Variants in ZNF608 observed in about 807,000 individuals in gnomAD.
ZNF608 encodes zinc finger protein 608, also known as renal carcinoma antigen NY-REN-36.
In ZNF608, 12 loss-of-function variants were observed where a neutral mutation model predicts 109.0. The observed-to-expected ratio is 0.11, with a 90% CI of 0.07 to 0.18. The LOEUF is 0.18. Among genes scored for constraint, ZNF608 ranks in the 10% least tolerant of loss-of-function variants. The pLI, the probability that ZNF608 is intolerant of heterozygous loss-of-function variation, is 1.00. For synonymous variants in ZNF608, 732 were observed against 717.4 expected, an observed-to-expected ratio of 1.02 and a Z score of -0.33; for missense variants, 1,707 against 1,879.3, an observed-to-expected ratio of 0.91 and a Z score of 1.70.
intron 3 of ZNF608, among the ~76,000 whole-genome samples, chr5:124,663,994 A>G (rs1433039313): frequency 1.3e-5 from 2 of 152,200 alleles, no homozygotes; most frequent in Non-Finnish European, 2.9e-5. Context: ...TGTAGCTTAA[A>G]TTTTTAACAA....
intron 2 of ZNF608, among the ~76,000 whole-genome samples, chr5:124,715,001 G>A (rs374049631): frequency 7.9e-5 from 12 of 152,292 alleles, no homozygotes; most frequent in African/African-American, 2.9e-4. Flanking sequence ...GCCTAAGAAT[G>A]AGATCAGGAT....
upstream of ZNF608, among the ~76,000 whole-genome samples, chr5:124,748,075 T>C (rs947458442): frequency 3.3e-5 from 5 of 152,170 alleles, no homozygotes; most frequent in Non-Finnish European, 7.3e-5. Context: ...TTACATGTAA[T>C]GAGTGACTAT....
At chr5:124,658,942 T>A (rs1376740650) in intron 3 of ZNF608, among the ~76,000 whole-genome samples, 2 of 152,110 alleles carry the variant, frequency 1.3e-5, no homozygotes, top group African/African-American at 4.8e-5. Flanking sequence ...TAATGGTCAT[T>A]CCTTTCCTAA....
Position 124,701,248 on chromosome 5 carries a change from G to T in ZNF608, c.928C>A (p.Pro310Thr). 1 of 1,614,088 alleles carries T rather than the reference G, an allele frequency of 6.2e-7. No individual in the cohort carries two copies. The highest frequency in any genetic ancestry group is 8.5e-7 in the Non-Finnish European group (1 of 1,180,004). Residue 310 changes from proline to threonine, a missense_variant, in exon 3 of 10, where the codon CCA (proline) becomes ACA (threonine). Pro to Thr is a conservative substitution (Grantham distance 38, BLOSUM62 -1). Coordinates refer to ENST00000513986, the MANE Select transcript of ZNF608 (RefSeq NM_020747.3). ...CTGGAAATCGGCGGTGGTGGCGCTG[G>T]CACTGTAAACAGGGGGTCAACCTGA... ...TEKVDPLFTVPAPPPPISSSL... is the reference protein window; with the variant it reads ...TEKVDPLFTVTAPPPPISSSL...
At chr5:124,672,444 A>C (rs1418590018) in intron 3 of ZNF608, among the ~76,000 whole-genome samples, 2 of 152,260 alleles carry the variant, frequency 1.3e-5, no homozygotes, top group African/African-American at 4.8e-5. Flanking sequence ...TACCTCAGTA[A>C]GGCTAAGTTG....
At chr5:124,668,003 C>T (rs963916819) in intron 3 of ZNF608, among the ~76,000 whole-genome samples, 2 of 151,816 alleles carry the variant, frequency 1.3e-5, no homozygotes, top group African/African-American at 4.8e-5. Context: ...ACGTGAATCA[C>T]ACAATAAGCT....
In ZNF608 at chr5:124,712,197, G is replaced by A. The variant is rs1049760308; in HGVS notation, c.907-10928C>T. On this transcript the variant is annotated intron_variant, in intron 2 of 9. Transcript: ENST00000513986. ...AGTACTCCAAGAAGACCTGGCACCC[G>A]TGGTGGGGTGGGGGGATAGGGAGGA... is the stretch of plus-strand genomic sequence containing the variant. 1.1e-4 allele frequency among the ~76,000 whole-genome samples: 17 copies of A among 152,242 alleles called. No individual in the cohort carries two copies. In the South Asian group the frequency reaches 2.5e-3, roughly 22 times the overall value.
chr5:124,737,231 C>T (rs933496521), intron 2 of ZNF608, among the ~76,000 whole-genome samples: 1 of 152,140 alleles, frequency 6.6e-6, no homozygotes, highest in African/African-American at 2.4e-5. Context: ...GCTTTTTAAA[C>T]TGTAAAAGCT....
At chr5:124,713,859 G>T (rs1018888227) in intron 2 of ZNF608, among the ~76,000 whole-genome samples, 1 of 152,074 alleles carries the variant, frequency 6.6e-6, no homozygotes, top group African/African-American at 2.4e-5. Context: ...AAGTGTAGGA[G>T]ATTTTAAAAG....
intron 3 of ZNF608, among the ~76,000 whole-genome samples, chr5:124,658,835 TAA>T (rs1751122629): frequency 6.6e-6 from 1 of 152,198 alleles, no homozygotes. Context: ...TTCTTTTAAA[TAA>T]AAGTGTTAAA....
intron 3 of ZNF608, among the ~76,000 whole-genome samples, chr5:124,680,769 A>T (rs1752160300): frequency 6.6e-6 from 1 of 152,246 alleles, no homozygotes; most frequent in African/African-American, 2.4e-5. Context: ...AAAGCTAATT[A>T]AATATCTTCA....
At chr5:124,682,659 T>G (rs1752244201) in intron 3 of ZNF608, among the ~76,000 whole-genome samples, 1 of 152,254 alleles carries the variant, frequency 6.6e-6, no homozygotes, top group Non-Finnish European at 1.5e-5. Flanking sequence ...AATTTATAAT[T>G]CTGGCATGAC....
intron 2 of ZNF608, among the ~76,000 whole-genome samples, chr5:124,728,943 C>T (rs75980278): frequency 1.3e-5 from 2 of 152,240 alleles, no homozygotes; most frequent in East Asian, 3.9e-4. Context: ...ATAAAATTCA[C>T]TATAGAACCC....
At chr5:124,686,913 G>A (rs1047174163) in intron 3 of ZNF608, among the ~76,000 whole-genome samples, 1 of 152,122 alleles carries the variant, frequency 6.6e-6, no homozygotes, top group Non-Finnish European at 1.5e-5. Flanking sequence ...GGAAGTGGTG[G>A]GCAATTTTTT....
Position 124,711,423 on chromosome 5 carries a change from A to C in ZNF608, c.907-10154T>G, listed in dbSNP as rs1753484289. ...CTTTTTAATGAAAAGATGCTAAGGC[A>C]TTCCACTTTAGAGTAAAAGTAAAGC... On this transcript the variant is annotated intron_variant, in intron 2 of 9. Transcript: ENST00000513986. Among the ~76,000 whole-genome samples, 5 of 152,266 alleles carry C rather than the reference A, an allele frequency of 3.3e-5. No homozygotes were observed. The South Asian group carries it at 1.0e-3, about 31-fold the overall frequency.
intron 6 of ZNF608, among the ~76,000 whole-genome samples, chr5:124,643,902 T>C (rs1364176435): frequency 1.3e-5 from 2 of 152,220 alleles, no homozygotes; most frequent in East Asian, 3.8e-4. Flanking sequence ...GAATTGAGCT[T>C]ATAGCCATTT....
chr5:124,645,371 T>C (rs1409391596), intron 5 of ZNF608, among the ~76,000 whole-genome samples: 3 of 152,250 alleles, frequency 2.0e-5, no homozygotes, highest in African/African-American at 4.8e-5. Flanking sequence ...GCCTGATTTA[T>C]GCCTCTGTAA....
chr5:124,723,835 T>A (rs964088108), intron 2 of ZNF608, among the ~76,000 whole-genome samples: 3 of 151,878 alleles, frequency 2.0e-5, no homozygotes, highest in Non-Finnish European at 4.4e-5. Context: ...CATGAAAAAA[T>A]TATATATTTA....
rs1358856629 is a variant in ZNF608, at chr5:124,743,813, A to G, written c.906+271T>C. Among the ~76,000 whole-genome samples, 4 of 152,198 alleles carry G rather than the reference A, an allele frequency of 2.6e-5. No individual in the cohort carries two copies. The East Asian group carries it at 7.8e-4, about 30-fold the overall frequency. On this transcript the variant is annotated intron_variant, in intron 2 of 9. Transcript: ENST00000513986. ...CTACAGGGCAAAAGGTACTTAGAAC[A>G]CTCAGGCCCTCCCACCTGGGAACCC...
Sources: allele counts gnomAD v4.1 joint callset (sites outside exome capture counted in the v4.1 genomes callset), GRCh38; gene constraint gnomAD v4.1.1; transcripts MANE v1.5; gene names NCBI Gene and HGNC (gene_info 2026-07-23, HGNC 2026-07-21).